The following ROBO2 variants were observed in gnomAD, a reference collection of about 807,000 sequenced individuals.
ROBO2 encodes roundabout guidance receptor 2, also known as roundabout homolog 2.
In ROBO2, 53 loss-of-function variants were observed where a neutral mutation model predicts 160.8. That is an observed-to-expected ratio of 0.33 (90% CI 0.26 to 0.41). The LOEUF (loss-of-function observed/expected upper bound fraction) is 0.41, where lower values mean the gene tolerates loss of function less well. Ranked by LOEUF, ROBO2 falls within the 10% of genes least tolerant of loss-of-function variation. The pLI is 1.00. For missense variants in ROBO2, 1,577 were observed against 1,722.4 expected, an observed-to-expected ratio of 0.92 and a Z score of 1.49; for synonymous variants, 664 against 611.7, an observed-to-expected ratio of 1.09 and a Z score of -1.26.
intron 2 of ROBO2, among the ~76,000 whole-genome samples, chr3:76,934,948 A>G (rs1232411806): frequency 7.1e-6 from 1 of 141,224 alleles, no homozygotes; most frequent in Admixed American, 7.2e-5. Context: ...AAATAATTTC[A>G]GGCTTCACAA....
rs114431896 is a variant in ROBO2, at chr3:76,451,899, C to A, written c.109+514297C>A. 2.8e-3 allele frequency among the ~76,000 whole-genome samples: 420 copies of A among 152,152 alleles called. 4 individuals carry two copies. The highest frequency in any genetic ancestry group is 9.8e-3 in the African/African-American group (409 of 41,548). ...GTAATATGATCAAGAAACAGGAGAACCTGTTTACAATTTTGTCTTGAAAAC... is the reference window on the plus strand; with the variant it reads ...GTAATATGATCAAGAAACAGGAGAAACTGTTTACAATTTTGTCTTGAAAAC... On this transcript the variant is annotated intron_variant, in intron 2 of 26. Coordinates refer to the ROBO2 transcript ENST00000487694.
intron 6 of ROBO2, among the ~76,000 whole-genome samples, chr3:77,543,268 T>C (rs980270471): frequency 2.0e-5 from 3 of 152,220 alleles, no homozygotes; most frequent in African/African-American, 7.2e-5. Context: ...TGTTTTTGTG[T>C]ATTTATTTAT....
At chr3:76,339,653 T>C (rs1475071775) in intron 2 of ROBO2, among the ~76,000 whole-genome samples, 3 of 152,130 alleles carry the variant, frequency 2.0e-5, no homozygotes, top group Non-Finnish European at 1.5e-5. Context: ...ATCTGCGTCA[T>C]TTTTATTTGA....
chr3:77,006,657 TTACTC>T (rs1012091218), intron 2 of ROBO2, among the ~76,000 whole-genome samples: 37 of 152,118 alleles, frequency 2.4e-4, no homozygotes, highest in African/African-American at 8.7e-4. Context: ...TTTATTATCA[TTACTC>T]TACACTGGGA....
chr3:77,608,654 G>A (rs976153227), intron 21 of ROBO2, among the ~76,000 whole-genome samples: 1 of 151,914 alleles, frequency 6.6e-6, no homozygotes, highest in Non-Finnish European at 1.5e-5. Flanking sequence ...CTAATTCCAA[G>A]AAAAACAAAA....
intron 5 of ROBO2, among the ~76,000 whole-genome samples, chr3:77,505,942 C>T (rs2088454433): frequency 6.6e-6 from 1 of 152,130 alleles, no homozygotes; most frequent in Non-Finnish European, 1.5e-5. Flanking sequence ...GGCTCACTGG[C>T]TTTCTGCTTA....
intron 2 of ROBO2, among the ~76,000 whole-genome samples, chr3:76,651,442 G>T (rs2091254381): frequency 6.6e-6 from 1 of 152,064 alleles, no homozygotes; most frequent in Admixed American, 6.5e-5. Context: ...TGTGAACTCA[G>T]AGTGTAGCAT....
At chr3:76,399,746 A>G (rs536205514) in intron 2 of ROBO2, among the ~76,000 whole-genome samples, 35 of 151,864 alleles carry the variant, frequency 2.3e-4, no homozygotes, top group Non-Finnish European at 8.9e-5. Flanking sequence ...GAGTCTACCC[A>G]TAACTCCTAA....
At chr3:76,622,261 A>AGAAG (rs1560252619) in intron 2 of ROBO2, among the ~76,000 whole-genome samples, 11 of 64,986 alleles carry the variant, frequency 1.7e-4, no homozygotes, top group South Asian at 7.3e-4. Flanking sequence ...AAAGAAAGAA[A>AGAAG]GAAAGAAAGA....
At position 76,566,859 on chromosome 3, in the gene ROBO2, C is replaced by T. The variant is rs148398857; in HGVS notation, c.110-531155C>T. ...ACTTCAGCATCCTCATCAGATGAAA[C>T]AACAGCCCAATTCTGCAGGCATCTC... On this transcript the variant is annotated intron_variant, in intron 2 of 26. Coordinates refer to the ROBO2 transcript ENST00000487694. Among the ~76,000 whole-genome samples, 963 of 152,244 alleles carry T rather than the reference C, an allele frequency of 6.3e-3. 14 individuals carry two copies. The highest frequency in any genetic ancestry group is 0.052 in the South Asian group (250 of 4,824).
chr3:76,966,733 G>A (rs1232729622), intron 2 of ROBO2, among the ~76,000 whole-genome samples: 1 of 152,118 alleles, frequency 6.6e-6, no homozygotes, highest in African/African-American at 2.4e-5. Flanking sequence ...ATGAAATGAA[G>A]CTAATAATAG....
chr3:77,581,455 T>C (rs2093917465), intron 16 of ROBO2, among the ~76,000 whole-genome samples: 1 of 152,124 alleles, frequency 6.6e-6, no homozygotes, highest in African/African-American at 2.4e-5. Flanking sequence ...CTATAATTCA[T>C]CTGATGGTAA....
intron 2 of ROBO2, among the ~76,000 whole-genome samples, chr3:77,180,416 C>CTCTCTCTCTCTCTCTCTATATATATA (rs1433740534): frequency 3.2e-4 from 29 of 90,706 alleles, no homozygotes; most frequent in Admixed American, 5.3e-4. Context: ...CTCTCTCTCT[C>CTCTCTCTCTCTCTCTCTATATATATA]TATATATATA....
At chr3:75,914,482 A>C (rs1946725258) in intron 1 of ROBO2, among the ~76,000 whole-genome samples, 2 of 152,168 alleles carry the variant, frequency 1.3e-5, no homozygotes, top group African/African-American at 4.8e-5. Flanking sequence ...CTAAGTTTTT[A>C]AGTCTTTTTC....
At chr3:77,608,711 G>A (rs2094570903) in intron 21 of ROBO2, among the ~76,000 whole-genome samples, 1 of 152,062 alleles carries the variant, frequency 6.6e-6, no homozygotes, top group South Asian at 2.1e-4. Context: ...TAATAATTCT[G>A]AATGCTTTGT....
intron 2 of ROBO2, among the ~76,000 whole-genome samples, chr3:76,681,642 A>G (rs2092564086): frequency 6.6e-6 from 1 of 152,290 alleles, no homozygotes; most frequent in East Asian, 1.9e-4. Flanking sequence ...CATCCAGGAG[A>G]GAAATTGACT....
At chr3:77,072,834 A>G (rs1442155013) in intron 1 of ROBO2, among the ~76,000 whole-genome samples, 1 of 152,222 alleles carries the variant, frequency 6.6e-6, no homozygotes, top group Non-Finnish European at 1.5e-5. Context: ...GTTACGTCTT[A>G]TATTAATCTG....
intron 2 of ROBO2, among the ~76,000 whole-genome samples, chr3:76,888,578 T>C (rs1301169708): frequency 6.6e-6 from 1 of 152,228 alleles, no homozygotes; most frequent in Non-Finnish European, 1.5e-5. Flanking sequence ...CAAATCAATA[T>C]GTGCACTCCA....
chr3:76,855,435 A>G (rs536678217), intron 2 of ROBO2, among the ~76,000 whole-genome samples: 182 of 152,310 alleles, frequency 1.2e-3, no homozygotes, highest in Non-Finnish European at 2.3e-3. Flanking sequence ...CCGCTAATGG[A>G]TACTGAGTTC....
Sources: allele counts gnomAD v4.1 joint callset (sites outside exome capture counted in the v4.1 genomes callset), GRCh38; gene constraint gnomAD v4.1.1; transcripts MANE v1.5; gene names NCBI Gene and HGNC (gene_info 2026-07-23, HGNC 2026-07-21).